TBX4: variants seen among roughly 807,000 people sequenced by gnomAD.
TBX4 encodes T-box transcription factor 4, also known as T-box transcription factor TBX4.
In TBX4, 13 loss-of-function variants were observed where a neutral mutation model predicts 54.6. The ratio of observed to expected loss-of-function variants is 0.24; its 90% CI spans 0.15 to 0.38. TBX4 has a LOEUF of 0.38. Ranked by LOEUF, TBX4 falls within the 10% of genes least tolerant of loss-of-function variation. The probability of loss-of-function intolerance (pLI) is 1.00; values close to 1 mark genes in which losing one functional copy is unlikely to be tolerated. For missense variants in TBX4, 631 were observed against 728.5 expected (o/e 0.87, Z 1.54); for synonymous variants, 314 against 306.7 (o/e 1.02, Z -0.25).
chr17:61,465,569 T>C lies in TBX4; in HGVS notation c.282-250T>C, dbSNP rs560915705. On this transcript the variant is annotated intron_variant, in intron 3 of 8. Transcript: ENST00000644296. The surrounding 1 kb of genome is among the most constrained non-coding windows in gnomAD (Gnocchi z 4.9). ...GGGGATAAGTGAATTTGGGAAATGGTGTAAACTCTCCTCCTAGACACAGAC... is the reference window on the plus strand; with the variant it reads ...GGGGATAAGTGAATTTGGGAAATGGCGTAAACTCTCCTCCTAGACACAGAC... Among the ~76,000 whole-genome samples the C allele has an allele frequency of 5.9e-5, 9 of 152,286 alleles. No homozygotes were observed. The South Asian group carries it at 1.9e-3, about 32-fold the overall frequency.
intron 8 of TBX4, among the ~76,000 whole-genome samples, chr17:61,482,150 TG>T (rs1351137047): frequency 1.3e-5 from 2 of 152,224 alleles, no homozygotes; most frequent in Non-Finnish European, 2.9e-5. Flanking sequence ...GGGGAGGTCA[TG>T]CCACTCCAGA....
rs780949441 is a variant in TBX4, at chr17:61,475,384, T to C, written c.550-3243T>C. ...GAGGAGGAAATACAAAAGGCCCTGC[T>C]CTTAAGCAATGCACATCTTCCTGAA... On this transcript the variant is annotated intron_variant, in intron 5 of 8. Coordinates refer to ENST00000644296, the MANE Select transcript of TBX4 (RefSeq NM_001321120.2). This position sits in a 1 kb window ranked among gnomAD's most constrained non-coding sequence, Gnocchi z 5.0. 2.0e-5 allele frequency among the ~76,000 whole-genome samples: 3 copies of C among 152,154 alleles called. No homozygotes were observed. Among genetic ancestry groups the C allele is most frequent in the Non-Finnish European group, 2.9e-5 (2 of 68,026 alleles).
rs766033021 is a variant in TBX4, at chr17:61,483,349, T to C, written c.1474T>C (p.Phe492Leu). ...CCGAGAGCGGGGGCCCAGCGCCTCATTCCCAAGAGAGCGCGGCCTCCCCCA... is the reference window on the plus strand; with the variant it reads ...CCGAGAGCGGGGGCCCAGCGCCTCACTCCCAAGAGAGCGCGGCCTCCCCCA... ...QVRERGPSASFPRERGLPQGC... is the reference protein window; with the variant it reads ...QVRERGPSASLPRERGLPQGC... The change falls in exon 9 of 9, where the codon TTC becomes CTC. Residue 492 changes from phenylalanine to leucine, a missense_variant. Physicochemically the swap from Phe to Leu is conservative, Grantham distance 22. Coordinates refer to ENST00000644296, the MANE Select transcript of TBX4 (RefSeq NM_001321120.2). The surrounding 1 kb of genome is among the most constrained non-coding windows in gnomAD (Gnocchi z 6.6). The C allele has an allele frequency of 1.9e-6, 3 of 1,609,218 alleles. No homozygotes were observed. The highest frequency in any genetic ancestry group is 2.6e-6 in the Non-Finnish European group (3 of 1,176,368).
intron 1 of TBX4, among the ~76,000 whole-genome samples, chr17:61,454,769 G>T (rs1273698567): frequency 6.6e-6 from 1 of 152,210 alleles, no homozygotes; most frequent in Non-Finnish European, 1.5e-5. Flanking sequence ...CGAGCCGCAG[G>T]GCTCCGCTGC....
At chr17:61,467,407 A>AT (rs1287795972) in intron 4 of TBX4, 103 bp from the exon 5 acceptor site, 17 of 1,409,476 alleles carry the variant, frequency 1.2e-5, no homozygotes, top group Admixed American at 3.5e-5. Context: ...ACCAGCAGCT[A>AT]TTTTTTCCTC....
intron 3 of TBX4, among the ~76,000 whole-genome samples, chr17:61,458,683 T>C (rs2060472354): frequency 6.6e-6 from 1 of 152,216 alleles, no homozygotes; most frequent in Non-Finnish European, 1.5e-5. Context: ...CCACTCCATC[T>C]GTAAAAGAAC....
intron 5 of TBX4, 39 bp downstream of exon 5, chr17:61,467,696 G>T (rs1603251575): frequency 6.2e-7 from 1 of 1,613,690 alleles, no homozygotes. Context: ...AGGCAAGTCT[G>T]GGGCAGTTTT....
chr17:61,469,809 G>A (rs781143065), intron 5 of TBX4, among the ~76,000 whole-genome samples: 1 of 152,230 alleles, frequency 6.6e-6, no homozygotes, highest in Non-Finnish European at 1.5e-5. Context: ...GCCCGTGCCC[G>A]TGGGAGTGGT....
rs1418324882 is a variant in TBX4, at chr17:61,457,224, G to A, written c.187-313G>A. Among the ~76,000 whole-genome samples, 1 of 152,172 alleles carries A rather than the reference G, an allele frequency of 6.6e-6. No homozygotes were observed. The highest frequency in any genetic ancestry group is 1.5e-5 in the Non-Finnish European group (1 of 68,020). On this transcript the variant is annotated intron_variant, in intron 2 of 8. Coordinates refer to ENST00000644296, the MANE Select transcript of TBX4 (RefSeq NM_001321120.2). The surrounding 1 kb of genome is among the most constrained non-coding windows in gnomAD (Gnocchi z 8.2). ...CTCTCCCTGTCTGTGTCTGCCCCGG[G>A]AGCCTGTGGCGATGGCCCGCCACAG... is the stretch of plus-strand genomic sequence containing the variant.
chr17:61,457,499 G>A lies in TBX4; in HGVS notation c.187-38G>A, dbSNP rs372002059. The A allele has an allele frequency of 7.5e-6, 12 of 1,595,126 alleles. No individual in the cohort carries two copies. The African/African-American group carries it at 1.5e-4, about 20-fold the overall frequency. ...CCTCAGGCTCCGCGTGGAGCCCTGGGCCTGGCAGACACAAGTTTCTCTCCC... is the reference window on the plus strand; with the variant it reads ...CCTCAGGCTCCGCGTGGAGCCCTGGACCTGGCAGACACAAGTTTCTCTCCC... On this transcript the variant is annotated intron_variant, in intron 2 of 8. Transcript: ENST00000644296. This position sits in a 1 kb window ranked among gnomAD's most constrained non-coding sequence, Gnocchi z 8.2.
intron 5 of TBX4, among the ~76,000 whole-genome samples, chr17:61,471,036 C>A (rs1199528661): frequency 2.0e-5 from 3 of 152,202 alleles, no homozygotes; most frequent in Non-Finnish European, 2.9e-5. Context: ...TGATTTCTGA[C>A]GCAGTGAGTC....
rs1249629175 is a variant in TBX4 at position 61,464,747 on chromosome 17, G to A, written c.282-1072G>A. Reference sequence around the variant, plus strand: ...CCTAGTGACTAGGGGAGGGAGCTGTGCCCAGAGCGTTTGTGTATGCGCTGT... The same window carrying A: ...CCTAGTGACTAGGGGAGGGAGCTGTACCCAGAGCGTTTGTGTATGCGCTGT... On this transcript the variant is annotated intron_variant, in intron 3 of 8. Transcript: ENST00000644296. This position sits in a 1 kb window ranked among gnomAD's most constrained non-coding sequence, Gnocchi z 5.8. Among the ~76,000 whole-genome samples the A allele has an allele frequency of 6.6e-6, 1 of 152,196 alleles. No homozygotes were observed. The highest frequency in any genetic ancestry group is 1.5e-5 in the Non-Finnish European group (1 of 68,032).
In TBX4 at chr17:61,460,858, A is replaced by G. The variant is rs1261917241; in HGVS notation, c.281+3227A>G. Among the ~76,000 whole-genome samples the G allele has an allele frequency of 1.3e-5, 2 of 152,168 alleles. No homozygotes were observed. Among genetic ancestry groups the G allele is most frequent in the African/African-American group, 2.4e-5 (1 of 41,420 alleles). On this transcript the variant is annotated intron_variant, in intron 3 of 8. Transcript: ENST00000644296. This position sits in a 1 kb window ranked among gnomAD's most constrained non-coding sequence, Gnocchi z 4.4. ...CAGCCTTCATAGCCTGTTGAGTTCA[A>G]TGTTGCTTGTGTTAGTGACAGTGAA...
chr17:61,469,808 C>T (rs903950329), intron 5 of TBX4, among the ~76,000 whole-genome samples: 3 of 152,206 alleles, frequency 2.0e-5, no homozygotes, highest in Non-Finnish European at 2.9e-5. Flanking sequence ...GGCCCGTGCC[C>T]GTGGGAGTGG....
In TBX4 at chr17:61,483,791, C is replaced by T. The variant is rs2060684980; in HGVS notation, c.*275C>T. ...CTGGGTCTATTGTTATCTGACATCTCTTGACATGCCCGTGGGTGGGATGGG... is the reference window on the plus strand; with the variant it reads ...CTGGGTCTATTGTTATCTGACATCTTTTGACATGCCCGTGGGTGGGATGGG... On this transcript the variant is annotated 3_prime_UTR_variant, in exon 9 of 9. Transcript: ENST00000644296. This position sits in a 1 kb window ranked among gnomAD's most constrained non-coding sequence, Gnocchi z 6.6. 4.3e-6 allele frequency: 2 copies of T among 462,854 alleles called. No homozygotes were observed. Among genetic ancestry groups the T allele is most frequent in the African/African-American group, 4.0e-5 (2 of 50,388 alleles). The allele number at this position is 462,854 out of a possible 1,614,324, so 28.7% of individuals were successfully genotyped here. A position where few individuals can be genotyped will look rare whatever the true frequency, so the allele number is the denominator to read the frequency against.
rs745977352 is a variant in TBX4, at chr17:61,465,886, A to G, written c.349A>G (p.Ile117Val). Residue 117 changes from isoleucine (I) to valine (V), a missense_variant, in exon 4 of 9, where the codon ATT (isoleucine) becomes GTT (valine). Ile to Val is a conservative substitution (Grantham distance 29). Transcript: ENST00000644296. This position sits in a 1 kb window ranked among gnomAD's most constrained non-coding sequence, Gnocchi z 4.9. ...MNPKTKYILL[I>V]DIVPADDHRY... ...CCCCAAGACCAAGTATATCCTGCTGATTGACATTGTCCCTGCCGATGACCA... is the reference window on the plus strand; with the variant it reads ...CCCCAAGACCAAGTATATCCTGCTGGTTGACATTGTCCCTGCCGATGACCA... The G allele has an allele frequency of 4.3e-6, 7 of 1,614,148 alleles. No homozygotes were observed. Among genetic ancestry groups the G allele is most frequent in the Non-Finnish European group, 5.9e-6 (7 of 1,180,018 alleles).
chr17:61,453,326 A>G (rs1205510889), intron 1 of TBX4, among the ~76,000 whole-genome samples: 1 of 152,222 alleles, frequency 6.6e-6, no homozygotes, highest in Non-Finnish European at 1.5e-5. Flanking sequence ...ACCAAACTGT[A>G]GGAAACTAGC....
intron 1 of TBX4, among the ~76,000 whole-genome samples, chr17:61,455,003 T>G (rs1337629885): frequency 6.6e-6 from 1 of 152,162 alleles, no homozygotes; most frequent in Admixed American, 6.5e-5. Context: ...TGGGGACTCC[T>G]AGGTTTCCGA....
At chr17:61,455,087 C>T (rs985440904) in intron 1 of TBX4, among the ~76,000 whole-genome samples, 2 of 152,248 alleles carry the variant, frequency 1.3e-5, no homozygotes, top group Non-Finnish European at 2.9e-5. Flanking sequence ...TCACTCCCTG[C>T]AGGCTGTGGC....
Sources: allele counts gnomAD v4.1 joint callset (sites outside exome capture counted in the v4.1 genomes callset), GRCh38; gene constraint gnomAD v4.1.1; non-coding constraint Gnocchi (gnomAD v3.1); transcripts MANE v1.5; gene names NCBI Gene and HGNC (gene_info 2026-07-23, HGNC 2026-07-21).